The following KCNT2 variants were observed in gnomAD, a reference collection of about 807,000 sequenced individuals.
The protein encoded by KCNT2 is potassium channel subfamily T member 2.
KCNT2 carries 67 observed loss-of-function variants against 153.8 expected under a neutral mutation model. The observed-to-expected ratio is 0.44, with a 90% CI of 0.36 to 0.53. The LOEUF is 0.53. Among genes scored for constraint, KCNT2 ranks in the 20% least tolerant of loss-of-function variants. KCNT2 has a pLI of 0.00. For missense variants in KCNT2, 975 were observed against 1,354.8 expected (o/e 0.72, Z 4.40); for synonymous variants, 500 against 458.8 (o/e 1.09, Z -1.15).
intron 1 of KCNT2, among the ~76,000 whole-genome samples, chr1:196,581,985 C>T (rs898348894): frequency 2.0e-5 from 3 of 152,062 alleles, no homozygotes; most frequent in African/African-American, 7.2e-5. Flanking sequence ...AATAATACTG[C>T]CAGTTCTTCA....
At chr1:196,235,942 T>G (rs1225191060) in intron 27 of KCNT2, 44 bp downstream of exon 27, 2 of 1,220,014 alleles carry the variant, frequency 1.6e-6, no homozygotes, top group African/African-American at 3.0e-5. Context: ...AAATAGTAGT[T>G]TTCTAAAAAT....
chr1:196,371,355 G>A (rs1365208180), intron 14 of KCNT2, among the ~76,000 whole-genome samples: 1 of 151,792 alleles, frequency 6.6e-6, no homozygotes, highest in East Asian at 1.9e-4. Context: ...AAGAATTGGT[G>A]GGGGGAAAAT....
intron 8 of KCNT2, among the ~76,000 whole-genome samples, chr1:196,434,181 G>T (rs1176222382): frequency 1.3e-5 from 2 of 151,930 alleles, no homozygotes; most frequent in African/African-American, 4.8e-5. Flanking sequence ...AAATGGAATT[G>T]TATAACACTT....
intron 21 of KCNT2, among the ~76,000 whole-genome samples, chr1:196,307,210 A>G (rs936302543): frequency 2.0e-5 from 3 of 152,112 alleles, no homozygotes; most frequent in Non-Finnish European, 4.4e-5. Flanking sequence ...GTGGCTACAT[A>G]CAAAAGGTAC....
intron 14 of KCNT2, among the ~76,000 whole-genome samples, chr1:196,351,188 C>CT (rs889641719): frequency 2.0e-5 from 3 of 151,892 alleles, no homozygotes; most frequent in South Asian, 2.1e-4. Flanking sequence ...GTGATGCGGG[C>CT]TTTTTTTTGG....
chr1:196,381,579 T>C (rs1218688346), intron 13 of KCNT2, among the ~76,000 whole-genome samples: 1 of 152,182 alleles, frequency 6.6e-6, no homozygotes, highest in Non-Finnish European at 1.5e-5. Flanking sequence ...AATTTATTAC[T>C]TATTAAATTC....
At chr1:196,554,858 A>G (rs1335712927) in intron 1 of KCNT2, among the ~76,000 whole-genome samples, 1 of 151,364 alleles carries the variant, frequency 6.6e-6, no homozygotes, top group Non-Finnish European at 1.5e-5. Flanking sequence ...AATGCGATAC[A>G]TCATATCAAC....
At chr1:196,329,512 AT>A (rs1254290698) in intron 18 of KCNT2, among the ~76,000 whole-genome samples, 7 of 151,792 alleles carry the variant, frequency 4.6e-5, no homozygotes, top group African/African-American at 1.7e-4. Context: ...GTCTCCTAAT[AT>A]TTTTTTCTAC....
chr1:196,510,946 CT>C (rs1681561627), intron 1 of KCNT2, among the ~76,000 whole-genome samples: 1 of 152,160 alleles, frequency 6.6e-6, no homozygotes, highest in Non-Finnish European at 1.5e-5. Context: ...TATGGTTAAA[CT>C]GGCAAATATA....
intron 18 of KCNT2, among the ~76,000 whole-genome samples, chr1:196,330,817 A>T (rs1664386477): frequency 6.6e-6 from 1 of 152,154 alleles, no homozygotes; most frequent in East Asian, 1.9e-4. Context: ...TAAAGTAATA[A>T]TGTTAAAATA....
At chr1:196,370,902 GAATGAA>G (rs1021097044) in intron 14 of KCNT2, among the ~76,000 whole-genome samples, 3 of 152,022 alleles carry the variant, frequency 2.0e-5, no homozygotes, top group African/African-American at 7.2e-5. Context: ...ATTACAATAT[GAATGAA>G]CCTTGAAAAA....
intron 3 of KCNT2, among the ~76,000 whole-genome samples, chr1:196,483,798 GT>G: frequency 6.6e-6 from 1 of 152,022 alleles, no homozygotes; most frequent in East Asian, 1.9e-4. Flanking sequence ...GCAATTACAA[GT>G]TCCATAAGAT....
intron 1 of KCNT2, among the ~76,000 whole-genome samples, chr1:196,572,431 A>G (rs968466213): frequency 1.5e-4 from 23 of 152,116 alleles, no homozygotes; most frequent in Non-Finnish European, 2.9e-5. Flanking sequence ...CACAAAAAGG[A>G]AACTTAGATG....
chr1:196,336,871 T>C (rs1665087568), intron 16 of KCNT2, among the ~76,000 whole-genome samples: 1 of 152,182 alleles, frequency 6.6e-6, no homozygotes, highest in Admixed American at 6.6e-5. Flanking sequence ...GTTTTCCTAC[T>C]AGCCTGCCAG....
chr1:196,257,207 G>T, intron 26 of KCNT2: 1 of 980,592 alleles, frequency 1.0e-6, no homozygotes, highest in Non-Finnish European at 1.2e-6. Flanking sequence ...ACCTAGCATA[G>T]TTCCTGGAGT....
At chr1:196,315,797 G>A (rs1662653589) in intron 21 of KCNT2, 95 bp downstream of exon 21, 2 of 1,017,216 alleles carry the variant, frequency 2.0e-6, no homozygotes. Context: ...TAAAGTTGGT[G>A]TGTCTCATGT....
chr1:196,326,968 A>C, intron 18 of KCNT2, 79 bp from the exon 19 acceptor site: 1 of 764,818 alleles, frequency 1.3e-6, no homozygotes, highest in Non-Finnish European at 2.1e-6. Flanking sequence ...CTATAGGAAA[A>C]TGTAAAATTA....
At chr1:196,582,672 T>C (rs1662206245) in intron 1 of KCNT2, among the ~76,000 whole-genome samples, 1 of 152,058 alleles carries the variant, frequency 6.6e-6, no homozygotes, top group East Asian at 1.9e-4. Context: ...ATTGACAGCA[T>C]TGACTAGGCT....
At chr1:196,557,416 T>C (rs1161951253) in intron 1 of KCNT2, among the ~76,000 whole-genome samples, 2 of 151,306 alleles carry the variant, frequency 1.3e-5, no homozygotes, top group Non-Finnish European at 3.0e-5. Flanking sequence ...TTAAAAATCA[T>C]AGCAAATGCC....
Sources: allele counts gnomAD v4.1 joint callset (sites outside exome capture counted in the v4.1 genomes callset), GRCh38; gene constraint gnomAD v4.1.1; transcripts MANE v1.5; gene names NCBI Gene and HGNC (gene_info 2026-07-23, HGNC 2026-07-21).